IQSEC1: variants seen among roughly 807,000 people sequenced by gnomAD.
The protein encoded by IQSEC1 is IQ motif and SEC7 domain-containing protein 1.
In IQSEC1, 31 loss-of-function variants were observed where a neutral mutation model predicts 91.0. The observed-to-expected ratio is 0.34, with a 90% CI of 0.26 to 0.46. The LOEUF is 0.46. Among genes scored for constraint, IQSEC1 ranks in the 20% least tolerant of loss-of-function variants. The pLI is 1.00. For synonymous variants in IQSEC1, 699 were observed against 662.6 expected, an observed-to-expected ratio of 1.05 and a Z score of -0.84; for missense variants, 1,388 against 1,575.6, an observed-to-expected ratio of 0.88 and a Z score of 2.02.
chr3:12,990,490 C>T (rs1379087247), intron 1 of IQSEC1, among the ~76,000 whole-genome samples: 8 of 152,196 alleles, frequency 5.3e-5, no homozygotes, highest in African/African-American at 1.4e-4. Flanking sequence ...TAAGGAATGA[C>T]GCAGGCCAGG....
chr3:13,269,724 C>G (rs1559290434), intron 1 of IQSEC1, among the ~76,000 whole-genome samples: 1 of 152,256 alleles, frequency 6.6e-6, no homozygotes, highest in Non-Finnish European at 1.5e-5. Flanking sequence ...CACCTGTGGG[C>G]AGGCCACTCT....
At chr3:13,085,130 G>A (rs1470879724) in intron 2 of IQSEC1, among the ~76,000 whole-genome samples, 3 of 152,086 alleles carry the variant, frequency 2.0e-5, no homozygotes, top group Non-Finnish European at 2.9e-5. Flanking sequence ...ACATCTCCTC[G>A]GATGCCCCAA....
intron 2 of IQSEC1, among the ~76,000 whole-genome samples, chr3:13,092,403 G>T (rs563864003): frequency 6.6e-6 from 1 of 152,226 alleles, no homozygotes; most frequent in African/African-American, 2.4e-5. Context: ...GGCTGACCAC[G>T]GACGTCCCAG....
chr3:13,205,540 C>A (rs1030003179), intron 1 of IQSEC1, among the ~76,000 whole-genome samples: 4 of 151,694 alleles, frequency 2.6e-5, no homozygotes, highest in African/African-American at 9.7e-5. Flanking sequence ...TCCACCCACC[C>A]ATCCACCCAT....
intron 1 of IQSEC1, among the ~76,000 whole-genome samples, chr3:13,280,281 T>A (rs968887547): frequency 6.6e-6 from 1 of 152,098 alleles, no homozygotes; most frequent in Non-Finnish European, 1.5e-5. Flanking sequence ...TCCAAGCACA[T>A]TGATAATGAG....
intron 1 of IQSEC1, among the ~76,000 whole-genome samples, chr3:13,243,718 C>T (rs1695060918): frequency 6.6e-6 from 1 of 151,104 alleles, no homozygotes; most frequent in Non-Finnish European, 1.5e-5. Context: ...GGCATGTGGG[C>T]CCGCACATGC....
intron 1 of IQSEC1, among the ~76,000 whole-genome samples, chr3:13,010,211 A>C (rs537672524): frequency 5.9e-5 from 9 of 152,342 alleles, no homozygotes; most frequent in African/African-American, 2.2e-4. Context: ...AGCAGGTCGC[A>C]ATGGTGGATG....
intron 2 of IQSEC1, among the ~76,000 whole-genome samples, chr3:13,146,198 G>C (rs1336968202): frequency 6.6e-6 from 1 of 151,624 alleles, no homozygotes; most frequent in Non-Finnish European, 1.5e-5. Flanking sequence ...TGTTGCCCAG[G>C]CTGGTCTTGA....
chr3:13,056,582 G>A (rs1029311850), intron 1 of IQSEC1, among the ~76,000 whole-genome samples: 16 of 152,158 alleles, frequency 1.1e-4, no homozygotes, highest in East Asian at 3.9e-4. Context: ...GCAGATACAC[G>A]TATCCACTCA....
At chr3:13,153,619 A>G (rs887591718) in intron 2 of IQSEC1, among the ~76,000 whole-genome samples, 1 of 152,138 alleles carries the variant, frequency 6.6e-6, no homozygotes. Flanking sequence ...TCCTGTGGTC[A>G]CACCCAGACA....
chr3:13,187,961 A>G (rs984451009), intron 1 of IQSEC1, among the ~76,000 whole-genome samples: 1 of 152,134 alleles, frequency 6.6e-6, no homozygotes. Context: ...CAGAGGCCCC[A>G]TTTCCTGATA....
At chr3:13,092,794 G>A (rs1705886561) in intron 2 of IQSEC1, among the ~76,000 whole-genome samples, 1 of 152,156 alleles carries the variant, frequency 6.6e-6, no homozygotes. Context: ...ACCTTGCAGG[G>A]TTCCTGTCCC....
chr3:12,993,733 C>G (rs1702098252), intron 1 of IQSEC1, among the ~76,000 whole-genome samples: 1 of 152,246 alleles, frequency 6.6e-6, no homozygotes, highest in South Asian at 2.1e-4. Context: ...GAGAGCGACA[C>G]CGCAGAGCCC....
chr3:13,082,259 G>A (rs1172882539), intron 2 of IQSEC1, among the ~76,000 whole-genome samples: 1 of 152,206 alleles, frequency 6.6e-6, no homozygotes, highest in Non-Finnish European at 1.5e-5. Context: ...GCTAATCACA[G>A]CAAATGGCTG....
intron 1 of IQSEC1, among the ~76,000 whole-genome samples, chr3:13,030,965 G>A (rs1296449705): frequency 6.6e-6 from 1 of 152,200 alleles, no homozygotes; most frequent in Non-Finnish European, 1.5e-5. Context: ...AAAATAATAC[G>A]TTGGTTGGAT....
intron 6 of IQSEC1, 101 bp downstream of exon 6, chr3:12,920,329 C>T: frequency 1.7e-6 from 2 of 1,206,944 alleles, no homozygotes; most frequent in East Asian, 2.3e-5. Context: ...GCACAGCTCC[C>T]CAACTGGAGG....
At chr3:13,223,853 C>G (rs866137608) in intron 1 of IQSEC1, among the ~76,000 whole-genome samples, 1 of 152,126 alleles carries the variant, frequency 6.6e-6, no homozygotes, top group African/African-American at 2.4e-5. Flanking sequence ...CATCTTGTGC[C>G]CTAGAAATTC....
At chr3:13,030,882 C>T (rs1353024147) in intron 1 of IQSEC1, among the ~76,000 whole-genome samples, 3 of 152,282 alleles carry the variant, frequency 2.0e-5, no homozygotes, top group African/African-American at 7.2e-5. Flanking sequence ...CGAGGTTCAC[C>T]TTCACCAAGC....
At chr3:13,153,190 G>A (rs1707029347) in intron 2 of IQSEC1, among the ~76,000 whole-genome samples, 1 of 152,032 alleles carries the variant, frequency 6.6e-6, no homozygotes. Flanking sequence ...CAGGGCTCCT[G>A]GCTTCCTCTC....
Sources: gnomAD v4.1 joint callset for allele counts (sites outside exome capture counted in the v4.1 genomes callset) on GRCh38, gnomAD v4.1.1 for gene constraint, MANE v1.5 for transcripts, NCBI Gene and HGNC (gene_info 2026-07-23, HGNC 2026-07-21) for gene names.